LBR: variants seen among roughly 807,000 people sequenced by gnomAD.
LBR encodes the protein lamin B receptor, also known as delta(14)-sterol reductase LBR.
In LBR, 28 loss-of-function variants were observed where a neutral mutation model predicts 74.3. That is an observed-to-expected ratio of 0.38 (90% CI 0.28 to 0.52). LBR has a LOEUF of 0.52. Ranked by LOEUF, LBR falls within the 20% of genes least tolerant of loss-of-function variation. The pLI is 0.89. For synonymous variants in LBR, 228 were observed against 269.3 expected (o/e 0.85, Z 1.50); for missense variants, 717 against 760.3 (o/e 0.94, Z 0.67).
Position 225,410,320 on chromosome 1 carries a change from G to A in LBR, c.1285C>T (p.Leu429Phe), listed in dbSNP as rs2096102111. ...AMILVNSFQL[L>F]YVVDALWNEE... ...TTCCAGAGAGCATCCACCACATAGA[G>A]AAGCTGGAAACTATTAACTAAAATC... Residue 429 changes from leucine (L) to phenylalanine (F), a missense_variant, in exon 10 of 14, where the codon CTC (leucine) becomes TTC (phenylalanine). Leu to Phe is a conservative substitution (Grantham distance 22, BLOSUM62 0). Transcript: ENST00000272163. 1 of 1,614,158 alleles carries A rather than the reference G, an allele frequency of 6.2e-7. No individual in the cohort carries two copies. Among genetic ancestry groups the A allele is most frequent in the East Asian group, 2.2e-5 (1 of 44,882 alleles).
At chr1:225,427,399 G>A (rs1462690865) in intron 1 of LBR, 4 of 152,360 alleles carry the variant, frequency 2.6e-5, no homozygotes, top group South Asian at 2.1e-4. Context: ...AGTGTGCCTG[G>A]AGAATCACCA....
Position 225,402,725 on chromosome 1 carries a change from G to C in LBR, c.*578C>G, listed in dbSNP as rs2096083886. On this transcript the variant is annotated 3_prime_UTR_variant, in exon 14 of 14. Coordinates refer to ENST00000272163, the MANE Select transcript of LBR (RefSeq NM_002296.4). The stretch of plus-strand genomic sequence containing the variant: ...TTTTCAATGTAGTTTTAGAAGTTGA[G>C]GTTAAGCCAACTGCTACAAATGGTC... 1 of 152,690 alleles carries C rather than the reference G, an allele frequency of 6.5e-6. No individual in the cohort carries two copies. Among genetic ancestry groups the C allele is most frequent in the Non-Finnish European group, 1.5e-5 (1 of 68,116 alleles). 9.5% of individuals were successfully genotyped at this position (152,690 alleles called of 1,614,324 possible).
chr1:225,415,377 C>A, intron 6 of LBR, 45 bp from the exon 7 acceptor site: 1 of 900,598 alleles, frequency 1.1e-6, no homozygotes, highest in South Asian at 1.4e-5. Flanking sequence ...ACATCACCAT[C>A]ATATATACAT....
At chr1:225,411,200 T>C in intron 9 of LBR, 137 bp downstream of exon 9, 3 of 728,648 alleles carry the variant, frequency 4.1e-6, no homozygotes, top group Non-Finnish European at 7.5e-6. Flanking sequence ...AGAAAGTATT[T>C]TGATAGATTT....
Position 225,417,898 on chromosome 1 carries a change from A to G in LBR, c.837+86T>C. ...CTCAGGAGGCTGCGGCAAGAGGATCACTTGATCCCAGAAATTGGAGACCCG... is the reference window on the plus strand; with the variant it reads ...CTCAGGAGGCTGCGGCAAGAGGATCGCTTGATCCCAGAAATTGGAGACCCG... On this transcript the variant is annotated intron_variant, in intron 6 of 13. Coordinates refer to ENST00000272163, the MANE Select transcript of LBR (RefSeq NM_002296.4). The G allele has an allele frequency of 2.4e-6, 3 of 1,227,334 alleles. No individual in the cohort carries two copies. In the South Asian group the frequency reaches 3.8e-5, roughly 16 times the overall value. The allele number at this position is 1,227,334 out of a possible 1,614,324, so 76.0% of individuals were successfully genotyped here.
At chr1:225,428,389 C>T (rs988572866), upstream of LBR, among the ~76,000 whole-genome samples, 4 of 152,200 alleles carry the variant, frequency 2.6e-5, no homozygotes, top group Admixed American at 6.5e-5. Flanking sequence ...TCCCTCCCAG[C>T]GCTCGCAGCA....
upstream of LBR, among the ~76,000 whole-genome samples, chr1:225,428,279 C>T (rs781448218): frequency 1.3e-5 from 2 of 152,078 alleles, no homozygotes; most frequent in Non-Finnish European, 2.9e-5. Flanking sequence ...CGGGGGAAAC[C>T]GAGTCTGGCG....
upstream of LBR, among the ~76,000 whole-genome samples, chr1:225,428,276 A>G (rs2096145288): frequency 6.6e-6 from 1 of 151,990 alleles, no homozygotes; most frequent in African/African-American, 2.4e-5. Context: ...GAGCGGGGGA[A>G]ACCGAGTCTG....
At position 225,403,211 on chromosome 1, in the gene LBR, G is replaced by A. The variant is rs1298053628; in HGVS notation, c.*92C>T. Reference sequence around the variant, plus strand: ...AAAAAAAAAAGTACAGACCCTGTCAGTGCAACAAAAGAAAGTTTCGGATTT... The same window carrying A: ...AAAAAAAAAAGTACAGACCCTGTCAATGCAACAAAAGAAAGTTTCGGATTT... On this transcript the variant is annotated 3_prime_UTR_variant, in exon 14 of 14. Coordinates refer to ENST00000272163, the MANE Select transcript of LBR (RefSeq NM_002296.4). 2 of 1,249,722 alleles carry A rather than the reference G, an allele frequency of 1.6e-6. No individual in the cohort carries two copies. The highest frequency in any genetic ancestry group is 2.3e-5 in the East Asian group (1 of 43,078). 77.4% of individuals were successfully genotyped at this position (1,249,722 alleles called of 1,614,324 possible). A position where few individuals can be genotyped will look rare whatever the true frequency, so the allele number is the denominator to read the frequency against.
In LBR at chr1:225,417,694, A is replaced by G. The variant is rs10915825; in HGVS notation, c.837+290T>C. The G allele has an allele frequency of 9.3e-4, 277 of 296,904 alleles. 2 individuals carry two copies. Among genetic ancestry groups the G allele is most frequent in the African/African-American group, 5.5e-3 (254 of 46,518 alleles). The allele number at this position is 296,904 out of a possible 1,614,324, so 18.4% of individuals were successfully genotyped here. The stretch of plus-strand genomic sequence containing the variant: ...TCTTTTCTATTTGGTTTGAAAAGTT[A>G]CACAAGAAATCTCAATCAGATTTTT... On this transcript the variant is annotated intron_variant, in intron 6 of 13. Transcript: ENST00000272163.
At chr1:225,417,137 T>C (rs2096118749) in intron 6 of LBR, among the ~76,000 whole-genome samples, 1 of 152,192 alleles carries the variant, frequency 6.6e-6, no homozygotes, top group South Asian at 2.1e-4. Flanking sequence ...AGGCTTACTG[T>C]AGAAATGACT....
Position 225,424,105 on chromosome 1 carries a change from G to A in LBR, c.-14-16C>T, listed in dbSNP as rs2096134353. 3 of 1,603,624 alleles carry A rather than the reference G, an allele frequency of 1.9e-6. No individual in the cohort carries two copies. Among genetic ancestry groups the A allele is most frequent in the African/African-American group, 2.7e-5 (2 of 74,666 alleles). On this transcript the variant is annotated splice_polypyrimidine_tract_variant and intron_variant, in intron 1 of 13. Coordinates refer to ENST00000272163, the MANE Select transcript of LBR (RefSeq NM_002296.4). ...TATAATTAACCTGAATAGTTTTAAAGAAAAAAATTTGAGTCAATACATACA... is the reference window on the plus strand; with the variant it reads ...TATAATTAACCTGAATAGTTTTAAAAAAAAAAATTTGAGTCAATACATACA...
In LBR at chr1:225,403,238, T is replaced by C. The variant is rs190693979; in HGVS notation, c.*65A>G. 12 of 1,535,330 alleles carry C rather than the reference T, an allele frequency of 7.8e-6. No homozygotes were observed. The highest frequency in any genetic ancestry group is 4.1e-5 in the African/African-American group (3 of 73,452). On this transcript the variant is annotated 3_prime_UTR_variant, in exon 14 of 14. Transcript: ENST00000272163. ...GCAACAAAAGAAAGTTTCGGATTTT[T>C]TTCCTTGTTTTTGCAAATGGCAGCT...
intron 1 of LBR, among the ~76,000 whole-genome samples, chr1:225,424,532 T>C (rs1312785576): frequency 6.6e-6 from 1 of 152,204 alleles, no homozygotes; most frequent in Non-Finnish European, 1.5e-5. Context: ...ATCAAGGATG[T>C]ACAATTAACA....
At chr1:225,411,651 G>A (rs1359248767) in intron 8 of LBR, among the ~76,000 whole-genome samples, 2 of 152,220 alleles carry the variant, frequency 1.3e-5, no homozygotes, top group African/African-American at 4.8e-5. Flanking sequence ...CAGCCTTTGG[G>A]GGAGCCGGGG....
Position 225,402,318 on chromosome 1 carries a change from A to G in LBR, c.*985T>C, listed in dbSNP as rs2096083235. 1 of 152,212 alleles carries G rather than the reference A, an allele frequency of 6.6e-6. No individual in the cohort carries two copies. Among genetic ancestry groups the G allele is most frequent in the South Asian group, 2.1e-4 (1 of 4,836 alleles). 9.4% of individuals were successfully genotyped at this position (152,212 alleles called of 1,614,324 possible). A position where few individuals can be genotyped will look rare whatever the true frequency, so the allele number is the denominator to read the frequency against. ...TAAAAATATTAGCCTGAAATGGCAA[A>G]TTTTCAAACACCGATCTGTGTAAAA... On this transcript the variant is annotated 3_prime_UTR_variant, in exon 14 of 14. Coordinates refer to ENST00000272163, the MANE Select transcript of LBR (RefSeq NM_002296.4).
chr1:225,417,886 G>A (rs1490228574), intron 6 of LBR, 98 bp downstream of exon 6: 47 of 1,092,700 alleles, frequency 4.3e-5, no homozygotes, highest in African/African-American at 7.8e-5. Flanking sequence ...AGGAGGCTGC[G>A]GCAAGAGGAT....
At chr1:225,421,576 T>C (rs1289584192) in intron 3 of LBR, among the ~76,000 whole-genome samples, 2 of 152,266 alleles carry the variant, frequency 1.3e-5, no homozygotes, top group African/African-American at 4.8e-5. Context: ...TTAACATACT[T>C]TGTCTTTGGT....
At chr1:225,428,587 C>A (rs2096146001), upstream of LBR, 1 of 152,232 alleles carries the variant, frequency 6.6e-6, no homozygotes, top group African/African-American at 2.4e-5. Flanking sequence ...GCATCGAAGG[C>A]GAGCAGGGGC....
Sources: gnomAD v4.1 joint callset for allele counts (sites outside exome capture counted in the v4.1 genomes callset) on GRCh38, gnomAD v4.1.1 for gene constraint, MANE v1.5 for transcripts, NCBI Gene and HGNC (gene_info 2026-07-23, HGNC 2026-07-21) for gene names.